Variants in MOB3B observed in about 807,000 individuals in gnomAD.
MOB3B encodes the protein MOB kinase activator 3B.
MOB3B carries 7 observed loss-of-function variants against 18.7 expected under a neutral mutation model. The ratio of observed to expected loss-of-function variants is 0.37; its 90% CI spans 0.21 to 0.70. The LOEUF is 0.70. Ranked by LOEUF, MOB3B falls within the 30% of genes least tolerant of loss-of-function variation. The pLI, the probability that MOB3B is intolerant of heterozygous loss-of-function variation, is 0.52. For synonymous variants in MOB3B, 111 were observed against 99.9 expected (o/e 1.11, Z -0.66); for missense variants, 253 against 281.3 (o/e 0.90, Z 0.72).
At chr9:27,418,213 C>G (rs62540101) in intron 2 of MOB3B, among the ~76,000 whole-genome samples, 1 of 146,826 alleles carries the variant, frequency 6.8e-6, no homozygotes, top group Non-Finnish European at 1.5e-5. Flanking sequence ...ATTATCAAAA[C>G]AAATGTCCAG....
intron 1 of MOB3B, among the ~76,000 whole-genome samples, chr9:27,457,033 G>A (rs1256376246): frequency 6.6e-6 from 1 of 151,902 alleles, no homozygotes. Flanking sequence ...ATTCTTCCTG[G>A]GTCTCCAAGA....
intron 1 of MOB3B, among the ~76,000 whole-genome samples, chr9:27,522,036 A>T (rs1820339886): frequency 6.6e-6 from 1 of 151,886 alleles, no homozygotes. Context: ...AGGTCAGGAG[A>T]TCGAGACCGT....
At chr9:27,447,186 T>C (rs1822705627) in intron 2 of MOB3B, among the ~76,000 whole-genome samples, 1 of 152,132 alleles carries the variant, frequency 6.6e-6, no homozygotes. Context: ...TATAAGTATC[T>C]GCATACTCTC....
chr9:27,328,752 T>C lies in MOB3B; in HGVS notation c.*1835A>G, dbSNP rs1820745608. ...GCATTCCCATCTGGTAACTGTGTATTGCAGAGGCTGGGACTTAGGGGCTCT... is the reference window on the plus strand; with the variant it reads ...GCATTCCCATCTGGTAACTGTGTATCGCAGAGGCTGGGACTTAGGGGCTCT... On this transcript the variant is annotated 3_prime_UTR_variant, in exon 4 of 4. Transcript: ENST00000262244. The C allele has an allele frequency of 6.6e-6, 1 of 152,550 alleles. No individual in the cohort carries two copies. Among genetic ancestry groups the C allele is most frequent in the African/African-American group, 2.4e-5 (1 of 41,468 alleles). 9.4% of individuals were successfully genotyped at this position (152,550 alleles called of 1,614,324 possible).
intron 1 of MOB3B, among the ~76,000 whole-genome samples, chr9:27,511,388 A>T (rs1161866507): frequency 6.6e-6 from 1 of 152,188 alleles, no homozygotes; most frequent in Non-Finnish European, 1.5e-5. Context: ...AAAATTGTCC[A>T]TCCTGCAGCA....
chr9:27,523,402 G>A (rs1400197587), intron 1 of MOB3B, among the ~76,000 whole-genome samples: 1 of 149,542 alleles, frequency 6.7e-6, no homozygotes, highest in Non-Finnish European at 1.5e-5. Flanking sequence ...AGAACCACCA[G>A]GCAAGAAGAT....
intron 1 of MOB3B, among the ~76,000 whole-genome samples, chr9:27,477,259 C>T (rs532161424): frequency 2.0e-5 from 3 of 152,268 alleles, no homozygotes; most frequent in East Asian, 1.9e-4. Flanking sequence ...CCTGCCTTGG[C>T]GTAATGCTTC....
At chr9:27,497,150 C>CTCT (rs1029195434) in intron 1 of MOB3B, among the ~76,000 whole-genome samples, 37 of 152,160 alleles carry the variant, frequency 2.4e-4, no homozygotes, top group Non-Finnish European at 3.5e-4. Flanking sequence ...CTGTTTGGGG[C>CTCT]TCTTATACAT....
chr9:27,331,480 G>T (rs940142638), intron 3 of MOB3B, among the ~76,000 whole-genome samples: 1 of 152,190 alleles, frequency 6.6e-6, no homozygotes. Context: ...GTGTGTGTGT[G>T]TGTGTACTGG....
At chr9:27,430,406 G>C (rs1822400324) in intron 2 of MOB3B, among the ~76,000 whole-genome samples, 1 of 152,118 alleles carries the variant, frequency 6.6e-6, no homozygotes, top group African/African-American at 2.4e-5. Flanking sequence ...AAAGCTTTAG[G>C]GTTCTGCTTC....
chr9:27,475,366 C>T (rs887196481), intron 1 of MOB3B, among the ~76,000 whole-genome samples: 3 of 152,204 alleles, frequency 2.0e-5, no homozygotes, highest in Non-Finnish European at 2.9e-5. Context: ...AAAAAAACTG[C>T]GAGATAATAA....
At chr9:27,425,267 C>T (rs891619501) in intron 2 of MOB3B, among the ~76,000 whole-genome samples, 52 of 151,014 alleles carry the variant, frequency 3.4e-4, no homozygotes, top group African/African-American at 1.2e-3. Context: ...CCCAGCTACT[C>T]GGGAGGCTGA....
intron 1 of MOB3B, among the ~76,000 whole-genome samples, chr9:27,527,968 A>T (rs1820461661): frequency 6.6e-6 from 1 of 152,198 alleles, no homozygotes; most frequent in South Asian, 2.1e-4. Flanking sequence ...ACTCGGGACC[A>T]TCCTAAGCCA....
chr9:27,440,010 T>C (rs999806444), intron 2 of MOB3B, among the ~76,000 whole-genome samples: 10 of 151,990 alleles, frequency 6.6e-5, no homozygotes, highest in Non-Finnish European at 8.8e-5. Flanking sequence ...TAACCTACAG[T>C]GGAGAGAAAA....
intron 2 of MOB3B, among the ~76,000 whole-genome samples, chr9:27,441,813 C>A (rs1282378201): frequency 6.6e-6 from 1 of 152,054 alleles, no homozygotes; most frequent in African/African-American, 2.4e-5. Context: ...CTACTAGGTA[C>A]AAAGGACTCC....
chr9:27,350,487 A>G lies in MOB3B; in HGVS notation c.621+8547T>C, dbSNP rs16911446. ...CATCTCATCTCTGACCAAATTAGAA[A>G]CAAAGAGAAACCCTAAAACAAAAAT... is the stretch of plus-strand genomic sequence containing the variant. On this transcript the variant is annotated intron_variant, in intron 3 of 3. Coordinates refer to ENST00000262244, the MANE Select transcript of MOB3B (RefSeq NM_024761.5). 7.2e-3 allele frequency among the ~76,000 whole-genome samples: 1,104 copies of G among 152,308 alleles called. 11 individuals are homozygous for G. The highest frequency in any genetic ancestry group is 0.025 in the East Asian group (128 of 5,178).
At chr9:27,400,070 C>T (rs533898475) in intron 2 of MOB3B, among the ~76,000 whole-genome samples, 1 of 152,334 alleles carries the variant, frequency 6.6e-6, no homozygotes, top group Non-Finnish European at 1.5e-5. Flanking sequence ...CCTCTCTGCT[C>T]TTCACTGCCC....
intron 3 of MOB3B, among the ~76,000 whole-genome samples, chr9:27,347,972 T>G (rs536924635): frequency 6.6e-6 from 1 of 152,368 alleles, no homozygotes; most frequent in South Asian, 2.1e-4. Context: ...TTTCTCAGAA[T>G]GTATTCCCAT....
At chr9:27,336,617 G>C (rs946268110) in intron 3 of MOB3B, among the ~76,000 whole-genome samples, 3 of 152,126 alleles carry the variant, frequency 2.0e-5, no homozygotes, top group African/African-American at 7.2e-5. Context: ...GCAGGGCAGT[G>C]AGCAGTACGC....
Sources: allele counts gnomAD v4.1 joint callset (sites outside exome capture counted in the v4.1 genomes callset), GRCh38; gene constraint gnomAD v4.1.1; transcripts MANE v1.5; gene names NCBI Gene and HGNC (gene_info 2026-07-23, HGNC 2026-07-21).